PDXDC1: variants seen among roughly 807,000 people sequenced by gnomAD.
The protein encoded by PDXDC1 is pyridoxal-dependent decarboxylase domain-containing protein 1.
A neutral mutation model predicts 100.1 loss-of-function variants in PDXDC1; 42 were observed. That is an observed-to-expected ratio of 0.42 (90% confidence interval 0.33 to 0.54). The LOEUF is 0.54. Ranked by LOEUF, PDXDC1 falls within the 20% of genes least tolerant of loss-of-function variation. The pLI, the probability that PDXDC1 is intolerant of heterozygous loss-of-function variation, is 0.10. For missense variants in PDXDC1, 636 were observed against 979.2 expected (o/e 0.65, Z 4.68); for synonymous variants, 260 against 371.7 (o/e 0.70, Z 3.46).
chr16:15,090,553 C>T (rs1489696348), intron 16 of PDXDC1, among the ~76,000 whole-genome samples: 1 of 152,200 alleles, frequency 6.6e-6, no homozygotes, highest in Non-Finnish European at 1.5e-5. Context: ...GCACTATGAT[C>T]ACACCTGTGA....
intron 16 of PDXDC1, chr16:15,055,662 G>C (rs1353777810): frequency 1.7e-5 from 6 of 359,886 alleles, no homozygotes; most frequent in Non-Finnish European, 3.0e-5. Flanking sequence ...AACCTCTCTG[G>C]GCCCCCGTCC....
In PDXDC1 at chr16:15,038,018, T is replaced by C. The variant is rs1294760578; in HGVS notation, c.*1743T>C. 4 of 1,603,800 alleles carry C rather than the reference T, an allele frequency of 2.5e-6. No individual in the cohort carries two copies. The highest frequency in any genetic ancestry group is 3.4e-5 in the Admixed American group (2 of 58,610). On this transcript the variant is annotated 3_prime_UTR_variant, in exon 23 of 23. Coordinates refer to ENST00000396410, the MANE Select transcript of PDXDC1 (RefSeq NM_015027.4). ...CAGGCCAAGAAGGTGCTTTCTTTGG[T>C]AATTCATGTTTTTTAACTTCCTGGA...
intron 16 of PDXDC1, among the ~76,000 whole-genome samples, chr16:15,089,566 C>T (rs1212506459): frequency 2.0e-5 from 3 of 151,948 alleles, no homozygotes; most frequent in Admixed American, 1.3e-4. Flanking sequence ...TTTGGGAGGC[C>T]AAGGCGGGCG....
intron 16 of PDXDC1, chr16:15,047,513 G>A (rs983494020): frequency 2.5e-6 from 4 of 1,613,980 alleles, no homozygotes; most frequent in East Asian, 2.2e-5. Flanking sequence ...CTTTGGTGTC[G>A]GTTCCGTCAC....
At chr16:15,028,104 G>T (rs2042762373) in intron 14 of PDXDC1, among the ~76,000 whole-genome samples, 1 of 152,288 alleles carries the variant, frequency 6.6e-6, no homozygotes, top group Admixed American at 6.5e-5. Flanking sequence ...CATGAGGCCT[G>T]CACACTCTGC....
At chr16:15,125,945 A>C in intron 16 of PDXDC1, 1 of 617,078 alleles carries the variant, frequency 1.6e-6, no homozygotes, top group East Asian at 2.7e-5. Flanking sequence ...TATATGGGAC[A>C]TCTGCACCGT....
chr16:15,119,447 T>C (rs1375275689), intron 16 of PDXDC1, among the ~76,000 whole-genome samples: 2 of 146,108 alleles, frequency 1.4e-5, no homozygotes, highest in Non-Finnish European at 3.0e-5. Context: ...AGAGTTCTGC[T>C]CCACTCAGTC....
chr16:15,005,321 G>T (rs371894910), intron 5 of PDXDC1, among the ~76,000 whole-genome samples: 1 of 85,042 alleles, frequency 1.2e-5, no homozygotes, highest in African/African-American at 3.8e-5. Flanking sequence ...AAAAAAAAAA[G>T]AAAACTCTGT....
intron 16 of PDXDC1, chr16:15,131,102 A>C: frequency 1.2e-6 from 2 of 1,607,348 alleles, no homozygotes; most frequent in Non-Finnish European, 1.7e-6. Flanking sequence ...AGCAGCGTAT[A>C]GTTGAGCTGC....
intron 8 of PDXDC1, among the ~76,000 whole-genome samples, chr16:15,013,874 C>CAAAAA (rs58185654): frequency 9.8e-4 from 133 of 135,948 alleles, no homozygotes; most frequent in African/African-American, 3.4e-3. Context: ...GTCTCTGTCT[C>CAAAAA]AAAAAAAAAA....
intron 1 of PDXDC1, among the ~76,000 whole-genome samples, chr16:14,987,800 C>T (rs1217922584): frequency 3.3e-5 from 5 of 152,260 alleles, no homozygotes; most frequent in East Asian, 1.9e-4. Context: ...TTAGTAGAGA[C>T]GGGGTTTTGC....
intron 16 of PDXDC1, chr16:15,104,662 G>T: frequency 1.3e-6 from 2 of 1,597,768 alleles, no homozygotes; most frequent in Non-Finnish European, 1.7e-6. Flanking sequence ...GGAGGAGGTG[G>T]CTGGTGGCCC....
intron 16 of PDXDC1, chr16:15,047,128 G>A (rs2044105096): frequency 2.6e-6 from 1 of 384,458 alleles, no homozygotes; most frequent in Non-Finnish European, 4.8e-6. Flanking sequence ...ATGACTGCAT[G>A]GAGAGCTACC....
At position 15,131,906 on chromosome 16, in the gene PDXDC1, C is replaced by T. The variant is rs1374204326; in HGVS notation, c.1400-6973C>T. 4.3e-3 allele frequency among the ~76,000 whole-genome samples: 31 copies of T among 7,156 alleles called. 1 individual carries two copies. The Admixed American group carries it at 0.059, about 14-fold the overall frequency. The allele number at this position is 7,156 out of a possible 152,430, so 4.7% of individuals were successfully genotyped here. A position where few individuals can be genotyped will look rare whatever the true frequency, so the allele number is the denominator to read the frequency against. On this transcript the variant is annotated intron_variant, in intron 16 of 16. Coordinates refer to the PDXDC1 transcript ENST00000535621. ...AGGGGGAAGGGGATGGGGATGAGGA[C>T]GAAGATGAGGGGGATGATGGGGAGA...
chr16:15,059,174 G>A (rs905948247), intron 16 of PDXDC1, among the ~76,000 whole-genome samples: 2 of 152,132 alleles, frequency 1.3e-5, no homozygotes, highest in Non-Finnish European at 2.9e-5. Context: ...TCAATCAAAG[G>A]TTGAGTTGGT....
chr16:15,132,440 G>A (rs930037276), intron 16 of PDXDC1, among the ~76,000 whole-genome samples: 2 of 137,234 alleles, frequency 1.5e-5, no homozygotes, highest in South Asian at 5.2e-4. Context: ...AAGGGGGAGG[G>A]GAGGGGAGAG....
chr16:15,140,570 C>T (rs116636644), downstream of PDXDC1, among the ~76,000 whole-genome samples: 765 of 152,176 alleles, frequency 5.0e-3, 6 homozygotes, highest in African/African-American at 0.017. Flanking sequence ...TGGTCACAGC[C>T]ATGGGAAAGA....
intron 6 of PDXDC1, among the ~76,000 whole-genome samples, chr16:15,007,960 G>A (rs576914504): frequency 1.6e-4 from 24 of 152,386 alleles, no homozygotes; most frequent in African/African-American, 4.8e-4. Context: ...AGAAAAATAC[G>A]TAAATTTATA....
chr16:15,043,251 G>A (rs943879711), downstream of PDXDC1, among the ~76,000 whole-genome samples: 1 of 152,036 alleles, frequency 6.6e-6, no homozygotes, highest in Non-Finnish European at 1.5e-5. Context: ...GCCCAGGCTG[G>A]TGTCGAACTC....
Sources: allele counts gnomAD v4.1 joint callset (sites outside exome capture counted in the v4.1 genomes callset), GRCh38; gene constraint gnomAD v4.1.1; transcripts MANE v1.5; gene names NCBI Gene and HGNC (gene_info 2026-07-23, HGNC 2026-07-21).